The following ATF7 variants were observed in gnomAD, a reference collection of about 807,000 sequenced individuals.
ATF7 encodes activating transcription factor 7.
ATF7 carries 10 observed loss-of-function variants against 50.4 expected under a neutral mutation model. The ratio of observed to expected loss-of-function variants is 0.20; its 90% CI spans 0.12 to 0.34. The LOEUF (loss-of-function observed/expected upper bound fraction) is 0.34, where lower values mean the gene tolerates loss of function less well. Ranked by LOEUF, ATF7 falls within the 10% of genes least tolerant of loss-of-function variation. The pLI is 1.00. For missense variants in ATF7, 465 were observed against 613.9 expected, an observed-to-expected ratio of 0.76 and a Z score of 2.56; for synonymous variants, 201 against 226.4, an observed-to-expected ratio of 0.89 and a Z score of 1.01.
intron 2 of ATF7, among the ~76,000 whole-genome samples, chr12:53,593,118 C>T (rs1943015102): frequency 6.6e-6 from 1 of 152,170 alleles, no homozygotes; most frequent in Non-Finnish European, 1.5e-5. Context: ...CTTTAAAAGA[C>T]TTTGTGCCAG....
Position 53,531,763 on chromosome 12 carries a change from G to A in ATF7, c.908C>T (p.Pro303Leu), listed in dbSNP as rs753159900. The A allele has an allele frequency of 6.8e-6, 11 of 1,611,596 alleles. No individual in the cohort carries two copies. Among genetic ancestry groups the A allele is most frequent in the Non-Finnish European group, 7.6e-6 (9 of 1,179,152 alleles). ...ACTGACCTGTGGCTGGGCAGGGGAT[G>A]GGGCATCAGGGTGCTGGATGAGAAT... ...SQILIQHPDA[P>L]SPAQPQVSPA... Residue 303 changes from proline to leucine, a missense_variant, in exon 9 of 12, where the codon CCA becomes CTA. Transcript: ENST00000420353.
intron 9 of ATF7, among the ~76,000 whole-genome samples, chr12:53,529,694 CAT>C (rs201402616): frequency 5.2e-4 from 63 of 120,374 alleles, no homozygotes; most frequent in African/African-American, 1.5e-3. Context: ...TATATAAATA[CAT>C]ATATATATAC....
intron 2 of ATF7, among the ~76,000 whole-genome samples, chr12:53,600,584 G>C (rs531535061): frequency 1.3e-5 from 2 of 152,126 alleles, no homozygotes; most frequent in Non-Finnish European, 2.9e-5. Context: ...TGCCCATCTC[G>C]GCCTCCCAAA....
At chr12:53,587,611 G>A (rs1429992656) in intron 2 of ATF7, among the ~76,000 whole-genome samples, 1 of 149,116 alleles carries the variant, frequency 6.7e-6, no homozygotes, top group Admixed American at 6.7e-5. Flanking sequence ...AGGTTGCAGT[G>A]AGTGAGCTGA....
At chr12:53,614,956 T>C (rs2137905512) in intron 1 of ATF7, among the ~76,000 whole-genome samples, 1 of 152,066 alleles carries the variant, frequency 6.6e-6, no homozygotes, top group East Asian at 1.9e-4. Context: ...GGCAGATGCC[T>C]ATAATCTCAG....
chr12:53,541,285 A>C (rs1237678637), intron 4 of ATF7, among the ~76,000 whole-genome samples: 1 of 152,150 alleles, frequency 6.6e-6, no homozygotes, highest in Admixed American at 6.6e-5. Flanking sequence ...TTCTGATAGG[A>C]TCCCATGCTT....
At chr12:53,585,407 T>A (rs570955204) in intron 2 of ATF7, among the ~76,000 whole-genome samples, 1 of 152,146 alleles carries the variant, frequency 6.6e-6, no homozygotes, top group African/African-American at 2.4e-5. Context: ...TGGTTCAGTA[T>A]GTTGACAGTG....
intron 2 of ATF7, among the ~76,000 whole-genome samples, chr12:53,563,642 G>A (rs1313828365): frequency 3.3e-5 from 5 of 152,202 alleles, no homozygotes; most frequent in Non-Finnish European, 5.9e-5. Context: ...AACTACTAGA[G>A]GGTTAAAAAC....
chr12:53,551,744 T>C (rs1181027814), intron 3 of ATF7, among the ~76,000 whole-genome samples: 1 of 152,224 alleles, frequency 6.6e-6, no homozygotes, highest in African/African-American at 2.4e-5. Context: ...TTATATGAGT[T>C]ATTAACTAAT....
At position 53,549,246 on chromosome 12, in the gene ATF7, C is replaced by A. The variant is rs375973397; in HGVS notation, c.145+3295G>T. 3.4e-5 allele frequency among the ~76,000 whole-genome samples: 5 copies of A among 148,534 alleles called. No homozygotes were observed. The East Asian group carries it at 1.0e-3, about 30-fold the overall frequency. ...AGCTTGCAATGAGCGGAGATCGCGC[C>A]ACTGCACTCCAGCCTGGGCGACAGA... is the stretch of plus-strand genomic sequence containing the variant. On this transcript the variant is annotated intron_variant, in intron 3 of 11. Transcript: ENST00000420353.
intron 1 of ATF7, among the ~76,000 whole-genome samples, chr12:53,618,289 A>C (rs1226320630): frequency 6.6e-6 from 1 of 152,130 alleles, no homozygotes; most frequent in African/African-American, 2.4e-5. Context: ...AAGAACCTTG[A>C]GGGGTTATCG....
At chr12:53,570,672 G>A (rs959154154) in intron 2 of ATF7, among the ~76,000 whole-genome samples, 1 of 152,040 alleles carries the variant, frequency 6.6e-6, no homozygotes, top group African/African-American at 2.4e-5. Flanking sequence ...CTTGCTGGCA[G>A]TCTTTGGCAT....
intron 3 of ATF7, among the ~76,000 whole-genome samples, chr12:53,545,040 A>G (rs1939813096): frequency 6.6e-6 from 1 of 152,148 alleles, no homozygotes; most frequent in Admixed American, 6.5e-5. Context: ...CATACCCAAA[A>G]TCATAACTCA....
At chr12:53,614,078 T>C (rs1346700073) in intron 1 of ATF7, among the ~76,000 whole-genome samples, 1 of 152,126 alleles carries the variant, frequency 6.6e-6, no homozygotes, top group Non-Finnish European at 1.5e-5. Context: ...AATCATAAGT[T>C]AGGCAACACA....
Position 53,524,902 on chromosome 12 carries a change from C to A in ATF7, c.928-141G>T. The A allele has an allele frequency of 1.3e-6, 1 of 772,858 alleles. No homozygotes were observed. The highest frequency in any genetic ancestry group is 2.0e-6 in the Non-Finnish European group (1 of 509,514). 47.9% of individuals were successfully genotyped at this position (772,858 alleles called of 1,614,324 possible). ...ACCACAGCAAGTCTCATTACTATGT[C>A]CCCAAGCTTCCCTTTTGTAGGAGTC... On this transcript the variant is annotated intron_variant, in intron 9 of 11. Coordinates refer to ENST00000420353, the MANE Select transcript of ATF7 (RefSeq NM_006856.3). The surrounding 1 kb of genome is among the most constrained non-coding windows in gnomAD (Gnocchi z 4.6).
At chr12:53,518,653 C>A (rs1297971212) in intron 11 of ATF7, among the ~76,000 whole-genome samples, 2 of 152,178 alleles carry the variant, frequency 1.3e-5, no homozygotes, top group Non-Finnish European at 2.9e-5. Context: ...CATCGGATAG[C>A]CTCTATGGCT....
intron 9 of ATF7, among the ~76,000 whole-genome samples, chr12:53,529,736 T>C (rs10876463): frequency 0.28 from 26,482 of 93,568 alleles, 2,856 homozygotes; most frequent in East Asian, 0.67. Flanking sequence ...CACACACACA[T>C]ATATATATGT....
intron 11 of ATF7, among the ~76,000 whole-genome samples, chr12:53,521,024 C>T (rs1017342948): frequency 1.3e-5 from 2 of 151,326 alleles, no homozygotes; most frequent in Non-Finnish European, 1.5e-5. Flanking sequence ...CGGAATTTCC[C>T]TCTTGTTGCC....
chr12:53,553,195 T>G (rs1940494286), intron 2 of ATF7, among the ~76,000 whole-genome samples: 1 of 152,172 alleles, frequency 6.6e-6, no homozygotes, highest in Admixed American at 6.5e-5. Context: ...AGAGTTTTAA[T>G]GAGCCAGGAT....
Sources: gnomAD v4.1 joint callset for allele counts (sites outside exome capture counted in the v4.1 genomes callset) on GRCh38, gnomAD v4.1.1 for gene constraint, Gnocchi (gnomAD v3.1) non-coding constraint, MANE v1.5 for transcripts, NCBI Gene and HGNC (gene_info 2026-07-23, HGNC 2026-07-21) for gene names.